The following MCF2L variants were observed in gnomAD, a reference collection of about 807,000 sequenced individuals.
The protein encoded by MCF2L is MCF.2 cell line derived transforming sequence like.
MCF2L carries 97 observed loss-of-function variants against 153.4 expected under a neutral mutation model. The observed-to-expected ratio is 0.63, with a 90% CI of 0.54 to 0.75. The LOEUF is 0.75. Ranked by LOEUF, MCF2L falls within the 30% of genes least tolerant of loss-of-function variation. The probability of loss-of-function intolerance (pLI) is 0.00; values close to 1 mark genes in which losing one functional copy is unlikely to be tolerated. For synonymous variants in MCF2L, 659 were observed against 632.2 expected (o/e 1.04, Z -0.64); for missense variants, 1,347 against 1,495.2 (o/e 0.90, Z 1.64).
At chr13:113,095,506 G>A (rs1357115254) in intron 27 of MCF2L, 2 of 1,054,764 alleles carry the variant, frequency 1.9e-6, no homozygotes, top group Non-Finnish European at 1.1e-6. Context: ...TTCTTTGTGG[G>A]GTGTGGGGAG....
chr13:112,962,204 C>T (rs2081838511), intron 2 of MCF2L, among the ~76,000 whole-genome samples: 1 of 93,092 alleles, frequency 1.1e-5, no homozygotes, highest in South Asian at 3.7e-4. Flanking sequence ...AACATGCTCA[C>T]ACACTTGCAC....
chr13:112,968,438 A>G (rs1034485825), upstream of MCF2L: 13 of 1,585,150 alleles, frequency 8.2e-6, no homozygotes, highest in Admixed American at 5.1e-5. Context: ...GCGTGTGTCG[A>G]GTGCACAGTG....
intron 1 of MCF2L, chr13:113,009,723 TTC>T: frequency 6.6e-6 from 1 of 152,488 alleles, no homozygotes; most frequent in Non-Finnish European, 1.5e-5. Flanking sequence ...TGGCCTGCGT[TTC>T]TTCTTACTGC....
At chr13:113,002,540 G>T (rs1362141424) in intron 1 of MCF2L, among the ~76,000 whole-genome samples, 1 of 152,212 alleles carries the variant, frequency 6.6e-6, no homozygotes, top group East Asian at 1.9e-4. Context: ...TGTGGACCCG[G>T]CTGGGCGGCC....
chr13:112,919,828 G>C (rs1357102335), intron 2 of MCF2L, among the ~76,000 whole-genome samples: 1 of 152,132 alleles, frequency 6.6e-6, no homozygotes, highest in Non-Finnish European at 1.5e-5. Context: ...AAACTAAGTA[G>C]ACCATGAAAT....
chr13:113,060,710 C>G lies in MCF2L; in HGVS notation c.487C>G (p.Pro163Ala), dbSNP rs1388763001. The change falls in exon 5 of 30, where the codon CCG (proline) becomes GCG (alanine). Residue 163 changes from proline (P) to alanine (A), a missense_variant and splice_region_variant. By Grantham distance (27) the Pro-to-Ala change is conservative. Transcript: ENST00000535094. ...FNRDDFKMKV[P>A]VIMLSSVPDL... ...TAGAGATGACTTTAAGATGAAGGTGCCGGTAAGTGCGCCCCGCCTCCATCC... is the reference window on the plus strand; with the variant it reads ...TAGAGATGACTTTAAGATGAAGGTGGCGGTAAGTGCGCCCCGCCTCCATCC... 3 of 1,612,660 alleles carry G rather than the reference C, an allele frequency of 1.9e-6. No homozygotes were observed. Among genetic ancestry groups the G allele is most frequent in the Non-Finnish European group, 2.5e-6 (3 of 1,179,812 alleles).
Position 113,099,288 on chromosome 13 carries a change from T to C in MCF2L, c.*2429T>C, listed in dbSNP as rs1040436173. Reference sequence around the variant, plus strand: ...AGTGATCCCTGTTTGCCCCTAAACGTAGAGAAATCTGCGTTATTTTCCAGC... The same window carrying C: ...AGTGATCCCTGTTTGCCCCTAAACGCAGAGAAATCTGCGTTATTTTCCAGC... On this transcript the variant is annotated 3_prime_UTR_variant, in exon 30 of 30. Coordinates refer to ENST00000535094, the MANE Select transcript of MCF2L (RefSeq NM_001112732.3). 6.6e-6 allele frequency: 1 copy of C among 152,222 alleles called. No individual in the cohort carries two copies. The highest frequency in any genetic ancestry group is 2.4e-5 in the African/African-American group (1 of 41,446). The allele number at this position is 152,222 out of a possible 1,614,324, so 9.4% of individuals were successfully genotyped here.
At chr13:112,917,067 G>A (rs1195902144) in intron 2 of MCF2L, 2 of 471,200 alleles carry the variant, frequency 4.2e-6, no homozygotes, top group Non-Finnish European at 8.8e-6. Flanking sequence ...CAAAGGTGCT[G>A]TCGTTTCTCC....
rs941595136 is a variant in MCF2L at position 112,907,410 on chromosome 13, A to G, written c.169+5039A>G. Among the ~76,000 whole-genome samples, 1 of 152,122 alleles carries G rather than the reference A, an allele frequency of 6.6e-6. No individual in the cohort carries two copies. Among genetic ancestry groups the G allele is most frequent in the African/African-American group, 2.4e-5 (1 of 41,420 alleles). On this transcript the variant is annotated intron_variant, in intron 2 of 29. Coordinates refer to the MCF2L transcript ENST00000375608. This position sits in a 1 kb window ranked among gnomAD's most constrained non-coding sequence, Gnocchi z 5.1. ...GGTCATAGTCGTGGCTTGGTGGAGA[A>G]TCCTCGGTGTTTGTGGCATGGATCG...
At chr13:112,901,153 TTTTTA>T (rs1451920008) in intron 1 of MCF2L, among the ~76,000 whole-genome samples, 3 of 152,108 alleles carry the variant, frequency 2.0e-5, no homozygotes, top group African/African-American at 7.2e-5. Context: ...TACCGTTTAT[TTTTTA>T]TTTTATTTTT....
At chr13:113,075,238 C>G (rs1236442893) in intron 11 of MCF2L, 49 bp downstream of exon 11, 1 of 1,499,754 alleles carries the variant, frequency 6.7e-7, no homozygotes, top group South Asian at 1.3e-5. Context: ...GCGGAACCAG[C>G]CTCTTCCTCC....
At chr13:112,926,006 AT>A (rs2081398174) in intron 2 of MCF2L, among the ~76,000 whole-genome samples, 2 of 152,252 alleles carry the variant, frequency 1.3e-5, no homozygotes, top group Non-Finnish European at 2.9e-5. Context: ...AGAAAAAAAA[AT>A]CTAGAGATAT....
intron 5 of MCF2L, among the ~76,000 whole-genome samples, chr13:113,061,126 C>T (rs1340539675): frequency 3.3e-5 from 5 of 152,132 alleles, no homozygotes; most frequent in Non-Finnish European, 5.9e-5. Flanking sequence ...GGGGAGGGGG[C>T]TGTAAGCATC....
chr13:112,982,054 G>A (rs1235942776), intron 1 of MCF2L, among the ~76,000 whole-genome samples: 1 of 152,204 alleles, frequency 6.6e-6, no homozygotes, highest in African/African-American at 2.4e-5. Context: ...GGCCCGGAGT[G>A]CAGCAGTGGA....
chr13:113,017,281 C>G (rs956341823), intron 2 of MCF2L, among the ~76,000 whole-genome samples: 4 of 152,236 alleles, frequency 2.6e-5, no homozygotes, highest in African/African-American at 7.2e-5. Flanking sequence ...GCTCGTCTCT[C>G]AGGTTCCGTG....
At chr13:113,073,409 C>G (rs1390590556) in intron 9 of MCF2L, among the ~76,000 whole-genome samples, 1 of 152,104 alleles carries the variant, frequency 6.6e-6, no homozygotes, top group Non-Finnish European at 1.5e-5. Context: ...AGTGGCTGTG[C>G]GTAACATGGA....
At chr13:113,001,106 C>A (rs548726833) in intron 1 of MCF2L, among the ~76,000 whole-genome samples, 12 of 152,260 alleles carry the variant, frequency 7.9e-5, no homozygotes, top group African/African-American at 2.4e-4. Flanking sequence ...GACTCCCACC[C>A]AGGGCAGCGG....
At chr13:113,047,831 C>T (rs1324063368) in intron 4 of MCF2L, among the ~76,000 whole-genome samples, 4 of 151,792 alleles carry the variant, frequency 2.6e-5, no homozygotes, top group East Asian at 1.9e-4. Flanking sequence ...CCTCGCTACG[C>T]GTGCCCTGTC....
chr13:112,982,060 G>C (rs73574970), intron 1 of MCF2L, among the ~76,000 whole-genome samples: 8 of 152,222 alleles, frequency 5.3e-5, no homozygotes, highest in African/African-American at 9.6e-5. Context: ...GAGTGCAGCA[G>C]TGGAGGCCTT....
Sources: allele counts gnomAD v4.1 joint callset (sites outside exome capture counted in the v4.1 genomes callset), GRCh38; gene constraint gnomAD v4.1.1; non-coding constraint Gnocchi (gnomAD v3.1); transcripts MANE v1.5; gene names NCBI Gene and HGNC (gene_info 2026-07-23, HGNC 2026-07-21).